Variants in PPP6R2 observed in about 807,000 individuals in gnomAD.
PPP6R2 encodes the protein protein phosphatase 6 regulatory subunit 2, also known as serine/threonine-protein phosphatase 6 regulatory subunit 2.
Under a neutral mutation model 100.2 loss-of-function variants are expected in PPP6R2, and 62 were observed. That is an observed-to-expected ratio of 0.62 (90% CI 0.50 to 0.76). The LOEUF (loss-of-function observed/expected upper bound fraction) is 0.76, where lower values mean the gene tolerates loss of function less well. Among genes scored for constraint, PPP6R2 ranks in the 30% least tolerant of loss-of-function variants. The probability of loss-of-function intolerance (pLI) is 0.00; values close to 1 mark genes in which losing one functional copy is unlikely to be tolerated. For missense variants in PPP6R2, 1,142 were observed against 1,276.3 expected (o/e 0.89, Z 1.60); for synonymous variants, 525 against 514.7 (o/e 1.02, Z -0.27).
chr22:50,418,926 C>A lies in PPP6R2; in HGVS notation c.678C>A (p.Gly226=), dbSNP rs1287548335. ...CDIVRLGRDQ[G]SQLQEALEPD... Reference sequence around the variant, plus strand: ...TAGTTAGGCTGGGCAGAGACCAGGGCAGTCAGCTGCAAGAGGCTCTGGAGC... The same window carrying A: ...TAGTTAGGCTGGGCAGAGACCAGGGAAGTCAGCTGCAAGAGGCTCTGGAGC... Residue 226 remains glycine, a synonymous_variant, in exon 7 of 24, where the codon GGC becomes GGA. Coordinates refer to ENST00000612753, the MANE Select transcript of PPP6R2 (RefSeq NM_001242898.2). 1 of 1,613,924 alleles carries A rather than the reference C, an allele frequency of 6.2e-7. No homozygotes were observed. The highest frequency in any genetic ancestry group is 8.5e-7 in the Non-Finnish European group (1 of 1,179,874).
intron 4 of PPP6R2, among the ~76,000 whole-genome samples, chr22:50,412,809 T>C (rs1403841376): frequency 6.7e-6 from 1 of 149,712 alleles, no homozygotes; most frequent in Non-Finnish European, 1.5e-5. Flanking sequence ...GCCCGGCTAA[T>C]TTTTTTTGTA....
chr22:50,440,763 T>C, intron 21 of PPP6R2, 59 bp from the exon 22 acceptor site: 1 of 1,574,580 alleles, frequency 6.4e-7, no homozygotes, highest in Non-Finnish European at 8.7e-7. Context: ...ATGGCTGGAG[T>C]GGCCGCACCC....
chr22:50,376,581 C>G (rs2051608664), intron 2 of PPP6R2, among the ~76,000 whole-genome samples: 1 of 151,910 alleles, frequency 6.6e-6, no homozygotes, highest in South Asian at 2.1e-4. Flanking sequence ...CACCACCACA[C>G]CTGGCTAATT....
intron 2 of PPP6R2, among the ~76,000 whole-genome samples, chr22:50,389,764 A>G (rs1283455086): frequency 6.6e-6 from 1 of 150,418 alleles, no homozygotes; most frequent in Non-Finnish European, 1.5e-5. Flanking sequence ...ATGCCTGGCT[A>G]ATTTTTGTAT....
intron 13 of PPP6R2, among the ~76,000 whole-genome samples, chr22:50,435,320 G>T (rs1169582391): frequency 5.9e-5 from 9 of 152,230 alleles, no homozygotes; most frequent in Admixed American, 1.3e-4. Context: ...GTCAGCGTGT[G>T]GCACAAGAGA....
intron 3 of PPP6R2, among the ~76,000 whole-genome samples, chr22:50,401,216 T>A (rs926559076): frequency 4.7e-5 from 7 of 149,938 alleles, no homozygotes; most frequent in African/African-American, 1.7e-4. Context: ...TAAAATTTTA[T>A]TTTTTTTTTG....
chr22:50,440,835 T>C lies in PPP6R2; in HGVS notation c.2388T>C (p.Ser796=). 6 of 1,613,484 alleles carry C rather than the reference T, an allele frequency of 3.7e-6. No homozygotes were observed. Among genetic ancestry groups the C allele is most frequent in the Non-Finnish European group, 3.4e-6 (4 of 1,179,976 alleles). Residue 796 remains serine (S), a synonymous_variant, in exon 22 of 24, where the codon TCT becomes TCC. Transcript: ENST00000612753. ...QGPEKAFSPA[S]PCAWNVCVTR... ...CCTACTTTGCAGTCAGCCCGGCTTC[T>C]CCATGTGCCTGGAACGTGTGTGTCA...
At chr22:50,337,189 G>A in the PPP6R2 span, among the ~76,000 whole-genome samples, 5 of 130,848 alleles carry the variant, frequency 3.8e-5, no homozygotes, top group African/African-American at 1.3e-4. Flanking sequence ...GGGTGTGTGC[G>A]TGTGTGCTGT....
chr22:50,332,329 C>G, the PPP6R2 span, among the ~76,000 whole-genome samples: 1 of 151,454 alleles, frequency 6.6e-6, no homozygotes, highest in Non-Finnish European at 1.5e-5. Context: ...CCAGGTTCAC[C>G]CCCCCATTCT....
At chr22:50,373,909 T>G (rs2050861740) in intron 2 of PPP6R2, among the ~76,000 whole-genome samples, 2 of 152,038 alleles carry the variant, frequency 1.3e-5, no homozygotes, top group African/African-American at 4.8e-5. Flanking sequence ...GATTTTTGTG[T>G]TTTTAGTAGT....
intron 1 of PPP6R2, among the ~76,000 whole-genome samples, chr22:50,358,997 C>A (rs1471846535): frequency 4.4e-5 from 4 of 90,250 alleles, no homozygotes; most frequent in Admixed American, 3.1e-4. Context: ...ACCGCCCCCC[C>A]CCCCCCCCCA....
intron 4 of PPP6R2, among the ~76,000 whole-genome samples, chr22:50,412,968 T>G (rs1603297144): frequency 6.9e-6 from 1 of 144,344 alleles, no homozygotes; most frequent in East Asian, 2.1e-4. Flanking sequence ...TTTTTTTTGT[T>G]TTTTTTTTTG....
intron 2 of PPP6R2, among the ~76,000 whole-genome samples, chr22:50,376,515 T>G (rs1425858804): frequency 6.6e-6 from 1 of 152,126 alleles, no homozygotes; most frequent in Non-Finnish European, 1.5e-5. Flanking sequence ...TTCCGCCTCC[T>G]GGGCTCAAGT....
At chr22:50,384,148 T>C (rs934059443) in intron 2 of PPP6R2, among the ~76,000 whole-genome samples, 25 of 152,180 alleles carry the variant, frequency 1.6e-4, no homozygotes, top group Admixed American at 1.5e-3. Flanking sequence ...TGGGCACTTA[T>C]AATATGCCAG....
At chr22:50,435,903 C>T (rs1424460727) in intron 13 of PPP6R2, among the ~76,000 whole-genome samples, 1 of 152,186 alleles carries the variant, frequency 6.6e-6, no homozygotes, top group Admixed American at 6.5e-5. Context: ...GATTGTGAAT[C>T]CTTCCAGGAC....
chr22:50,432,142 C>T, intron 11 of PPP6R2, 123 bp from the exon 12 acceptor site: 1 of 856,114 alleles, frequency 1.2e-6, no homozygotes, highest in Non-Finnish European at 1.9e-6. Flanking sequence ...GCGCAGCAGT[C>T]AGGGCCTGCA....
At chr22:50,385,572 A>G (rs1014630988) in intron 2 of PPP6R2, among the ~76,000 whole-genome samples, 25 of 147,096 alleles carry the variant, frequency 1.7e-4, no homozygotes, top group Non-Finnish European at 2.7e-4. Flanking sequence ...CTGGAGTGCA[A>G]TGGCGCTATC....
intron 1 of PPP6R2, among the ~76,000 whole-genome samples, chr22:50,358,158 G>T (rs1034997943): frequency 6.6e-6 from 1 of 151,814 alleles, no homozygotes; most frequent in Non-Finnish European, 1.5e-5. Context: ...GTCTCTCTGC[G>T]TAGCCCAGGG....
chr22:50,358,056 C>G (rs1186931406), intron 1 of PPP6R2, among the ~76,000 whole-genome samples: 1 of 152,040 alleles, frequency 6.6e-6, no homozygotes, highest in Admixed American at 6.6e-5. Flanking sequence ...AAGCAATCCT[C>G]CCACCTCAGC....
Sources: gnomAD v4.1 joint callset for allele counts (sites outside exome capture counted in the v4.1 genomes callset) on GRCh38, gnomAD v4.1.1 for gene constraint, MANE v1.5 for transcripts, NCBI Gene and HGNC (gene_info 2026-07-23, HGNC 2026-07-21) for gene names.